Variants in BMPR1A observed in about 807,000 individuals in gnomAD.
The protein encoded by BMPR1A is bone morphogenetic protein receptor type 1A.
Under a neutral mutation model 66.0 loss-of-function variants are expected in BMPR1A, and 7 were observed. The ratio of observed to expected loss-of-function variants is 0.11; its 90% CI spans 0.06 to 0.20. The LOEUF is 0.20. Ranked by LOEUF, BMPR1A falls within the 10% of genes least tolerant of loss-of-function variation. The pLI is 1.00. For synonymous variants in BMPR1A, 200 were observed against 229.7 expected (o/e 0.87, Z 1.17); for missense variants, 408 against 669.1 (o/e 0.61, Z 4.31).
chr10:86,783,183 T>G (rs1841462758), intron 1 of BMPR1A, among the ~76,000 whole-genome samples: 2 of 152,242 alleles, frequency 1.3e-5, no homozygotes, highest in South Asian at 4.1e-4. Context: ...CAGGGGTTTA[T>G]ATCTGGGCTG....
At chr10:86,850,109 T>C (rs1345939478) in intron 2 of BMPR1A, among the ~76,000 whole-genome samples, 2 of 151,938 alleles carry the variant, frequency 1.3e-5, no homozygotes, top group Non-Finnish European at 2.9e-5. Context: ...TCACTTGAGG[T>C]CAGGAGTTTG....
In BMPR1A at chr10:86,797,948, A is replaced by G. The variant is rs144961244; in HGVS notation, c.-267-40917A>G. 5.3e-5 allele frequency among the ~76,000 whole-genome samples: 8 copies of G among 152,296 alleles called. No individual in the cohort carries two copies. In the East Asian group the frequency reaches 1.5e-3, roughly 29 times the overall value. The stretch of plus-strand genomic sequence containing the variant: ...TAAAAATTAGATGTAGGTAAGCCTC[A>G]GAAATGGGAAAATGGAGATAAATCT... On this transcript the variant is annotated intron_variant, in intron 1 of 12. Transcript: ENST00000372037.
intron 2 of BMPR1A, chr10:86,856,202 T>C (rs1842637876): frequency 1.9e-6 from 1 of 524,236 alleles, no homozygotes; most frequent in Non-Finnish European, 3.8e-6. Context: ...GTTCATTCAC[T>C]ACATCGTTGT....
intron 7 of BMPR1A, among the ~76,000 whole-genome samples, chr10:86,903,457 A>G (rs1223496605): frequency 2.0e-5 from 3 of 152,124 alleles, no homozygotes; most frequent in Non-Finnish European, 4.4e-5. Flanking sequence ...ACATGAAGAC[A>G]TAGGAATGAA....
chr10:86,929,339 T>C (rs530309652), downstream of BMPR1A: 2 of 152,320 alleles, frequency 1.3e-5, no homozygotes, highest in East Asian at 3.9e-4. Context: ...TACCTGGCCT[T>C]AAGATGCTCC....
chr10:86,780,392 CTAAAA>C (rs555767704), intron 1 of BMPR1A, among the ~76,000 whole-genome samples: 1 of 151,994 alleles, frequency 6.6e-6, no homozygotes, highest in Non-Finnish European at 1.5e-5. Context: ...GACCAGTGTC[CTAAAA>C]TGTTTCCCCT....
At chr10:86,864,925 C>T (rs1024819692) in intron 2 of BMPR1A, among the ~76,000 whole-genome samples, 6 of 152,146 alleles carry the variant, frequency 3.9e-5, no homozygotes, top group African/African-American at 1.2e-4. Context: ...GCCCCTAATC[C>T]CGCTTGAAGC....
At chr10:86,824,105 G>GTT (rs1554882222) in intron 1 of BMPR1A, among the ~76,000 whole-genome samples, 6 of 147,280 alleles carry the variant, frequency 4.1e-5, no homozygotes, top group African/African-American at 1.5e-4. Flanking sequence ...GTGTGTGTGT[G>GTT]TGTGTGTTTC....
intron 7 of BMPR1A, among the ~76,000 whole-genome samples, chr10:86,911,178 T>TAAAA (rs1843477739): frequency 6.9e-6 from 1 of 144,686 alleles, no homozygotes; most frequent in African/African-American, 2.6e-5. Flanking sequence ...AAAAAAAAAT[T>TAAAA]AAACCTTGAG....
At chr10:86,866,404 T>TTTTTTTCTTTTC in intron 2 of BMPR1A, among the ~76,000 whole-genome samples, 1 of 103,730 alleles carries the variant, frequency 9.6e-6, no homozygotes, top group South Asian at 3.4e-4. Flanking sequence ...TCTTTCTTTT[T>TTTTTTTCTTTTC]TTTTTTTTTT....
At chr10:86,790,042 G>A (rs1309954837) in intron 1 of BMPR1A, among the ~76,000 whole-genome samples, 1 of 149,120 alleles carries the variant, frequency 6.7e-6, no homozygotes, top group Non-Finnish European at 1.5e-5. Flanking sequence ...TGTAGTCCCA[G>A]CTACTCAAGA....
At chr10:86,917,967 A>T (rs1873806) in intron 9 of BMPR1A, among the ~76,000 whole-genome samples, 1 of 152,186 alleles carries the variant, frequency 6.6e-6, no homozygotes, top group African/African-American at 2.4e-5. Context: ...CGAGGCTAGA[A>T]GTTTAAAACC....
intron 1 of BMPR1A, among the ~76,000 whole-genome samples, chr10:86,791,786 A>G (rs1344785875): frequency 3.9e-5 from 5 of 129,702 alleles, no homozygotes; most frequent in African/African-American, 1.5e-4. Context: ...GTGGTGCACT[A>G]TTTTGGCTCA....
chr10:86,779,188 G>A (rs1028825518), intron 1 of BMPR1A, among the ~76,000 whole-genome samples: 1 of 152,162 alleles, frequency 6.6e-6, no homozygotes, highest in African/African-American at 2.4e-5. Flanking sequence ...TGTTTGAATA[G>A]CAGTAAACAT....
Position 86,912,143 on chromosome 10 carries a change from C to G in BMPR1A, c.531-97C>G, listed in dbSNP as rs75801877. On this transcript the variant is annotated intron_variant, in intron 7 of 12. Coordinates refer to ENST00000372037, the MANE Select transcript of BMPR1A (RefSeq NM_004329.3). ...AAGACTAATTTGGATAGGATTCTTT[C>G]TGAGGGAAGGATAATGGTATAGAGA... 651 of 1,328,738 alleles carry G rather than the reference C, an allele frequency of 4.9e-4. 14 individuals carry two copies. In the East Asian group the frequency reaches 0.015, roughly 31 times the overall value. 82.3% of individuals were successfully genotyped at this position (1,328,738 alleles called of 1,614,324 possible).
intron 1 of BMPR1A, among the ~76,000 whole-genome samples, chr10:86,817,288 A>C (rs1055155998): frequency 9.2e-5 from 14 of 152,116 alleles, no homozygotes; most frequent in African/African-American, 3.4e-4. Flanking sequence ...CCATGATTCT[A>C]CTGATGTCTC....
chr10:86,881,890 T>A (rs1842991344), intron 3 of BMPR1A, among the ~76,000 whole-genome samples: 1 of 152,316 alleles, frequency 6.6e-6, no homozygotes, highest in African/African-American at 2.4e-5. Flanking sequence ...AGAAAGCAAT[T>A]TATAACATTT....
chr10:86,758,065 TAAAG>T (rs934157832), intron 1 of BMPR1A, among the ~76,000 whole-genome samples: 2 of 152,214 alleles, frequency 1.3e-5, no homozygotes, highest in African/African-American at 4.8e-5. Context: ...GTTGTTGAAA[TAAAG>T]AATGTGAACC....
At chr10:86,884,252 T>A (rs920530441) in intron 3 of BMPR1A, among the ~76,000 whole-genome samples, 2 of 151,874 alleles carry the variant, frequency 1.3e-5, no homozygotes, top group Non-Finnish European at 2.9e-5. Flanking sequence ...ACGCAGCTAA[T>A]TTTTTAAATT....
Sources: gnomAD v4.1 joint callset for allele counts (sites outside exome capture counted in the v4.1 genomes callset) on GRCh38, gnomAD v4.1.1 for gene constraint, MANE v1.5 for transcripts, NCBI Gene and HGNC (gene_info 2026-07-23, HGNC 2026-07-21) for gene names.